The following FBXO39 variants were observed in gnomAD, a reference collection of about 807,000 sequenced individuals.
FBXO39 encodes F-box only protein 39.
Under a neutral mutation model 36.6 loss-of-function variants are expected in FBXO39, and 22 were observed. The ratio of observed to expected loss-of-function variants is 0.60; its 90% confidence interval spans 0.43 to 0.86. The LOEUF (loss-of-function observed/expected upper bound fraction) is 0.86. Ranked by LOEUF, FBXO39 falls within the 40% of genes least tolerant of loss-of-function variation. FBXO39 has a pLI of 0.00. For missense variants in FBXO39, 536 were observed against 543.9 expected, an observed-to-expected ratio of 0.99 and a Z score of 0.14; for synonymous variants, 206 against 205.8, an observed-to-expected ratio of 1.00 and a Z score of -0.01.
chr17:6,778,290 G>A (rs897022438), intron 1 of FBXO39, among the ~76,000 whole-genome samples: 4 of 152,222 alleles, frequency 2.6e-5, no homozygotes, highest in Non-Finnish European at 5.9e-5. Flanking sequence ...ATGGGACAGA[G>A]GGTTAAAATG....
chr17:6,782,449 G>A (rs1328163647), intron 2 of FBXO39, among the ~76,000 whole-genome samples: 1 of 151,958 alleles, frequency 6.6e-6, no homozygotes, highest in African/African-American at 2.4e-5. Context: ...GAATACAAAT[G>A]GACTAAACCC....
intron 2 of FBXO39, among the ~76,000 whole-genome samples, chr17:6,785,127 G>A (rs1428285460): frequency 6.7e-6 from 1 of 150,050 alleles, no homozygotes; most frequent in Non-Finnish European, 1.5e-5. Context: ...ATATATTCTG[G>A]TTATTTATTA....
rs758016899 is a variant in FBXO39, at chr17:6,780,811, A to G, written c.943A>G (p.Ser315Gly). The change falls in exon 2 of 4, where the codon AGC becomes GGC. Residue 315 changes from serine (S) to glycine (G), a missense_variant. By Grantham distance (56) the Ser-to-Gly change is moderately conservative. Coordinates refer to ENST00000321535, the MANE Select transcript of FBXO39 (RefSeq NM_153230.3). ...CCCGATCAGGAGCATCAGTCTGAGA[A>G]GCTGCTATTTCAGTGACCCAGACTG... Reference protein sequence around the residue: ...EIPIRSISLRSCYFSDPDCSM... With the variant: ...EIPIRSISLRGCYFSDPDCSM... 1.9e-6 allele frequency: 3 copies of G among 1,614,120 alleles called. No homozygotes were observed. Among genetic ancestry groups the G allele is most frequent in the Non-Finnish European group, 2.5e-6 (3 of 1,180,034 alleles).
chr17:6,781,584 G>A (rs947139194), intron 2 of FBXO39, among the ~76,000 whole-genome samples: 3 of 152,094 alleles, frequency 2.0e-5, no homozygotes, highest in African/African-American at 2.4e-5. Flanking sequence ...GGTGGGGTAC[G>A]GCAGACATCA....
At chr17:6,779,355 G>A (rs1346622934) in intron 1 of FBXO39, among the ~76,000 whole-genome samples, 1 of 152,116 alleles carries the variant, frequency 6.6e-6, no homozygotes, top group African/African-American at 2.4e-5. Context: ...CAGTTCTGTG[G>A]CTTTGCACGT....
In FBXO39 at chr17:6,787,546, T is replaced by TC. The variant is rs1555552583; in HGVS notation, c.*118_*119insC. Reference sequence around the variant, plus strand: ...TCCTCTCTCTCCCCTCCACTTTTTTTTTTTGTCAGCTCCATGACAACATGA... The same window carrying TC: ...TCCTCTCTCTCCCCTCCACTTTTTTTCTTTTGTCAGCTCCATGACAACATGA... On this transcript the variant is annotated 3_prime_UTR_variant, in exon 4 of 4. Transcript: ENST00000321535. The TC allele has an allele frequency of 1.0e-5, 13 of 1,259,628 alleles. No homozygotes were observed. The highest frequency in any genetic ancestry group is 7.1e-5 in the South Asian group (5 of 70,696). 78.0% of individuals were successfully genotyped at this position (1,259,628 alleles called of 1,614,324 possible). A position where few individuals can be genotyped will look rare whatever the true frequency, so the allele number is the denominator to read the frequency against.
At chr17:6,782,511 A>G (rs1976521735) in intron 2 of FBXO39, among the ~76,000 whole-genome samples, 1 of 152,212 alleles carries the variant, frequency 6.6e-6, no homozygotes, top group Non-Finnish European at 1.5e-5. Context: ...AGACTCAATT[A>G]TCTGCTGCCT....
In FBXO39 at chr17:6,780,660, C is replaced by G. The variant is rs375399858; in HGVS notation, c.792C>G (p.His264Gln). 12 of 1,614,010 alleles carry G rather than the reference C, an allele frequency of 7.4e-6. No homozygotes were observed. Among genetic ancestry groups the G allele is most frequent in the African/African-American group, 1.3e-5 (1 of 74,910 alleles). Residue 264 changes from histidine (H) to glutamine (Q), a missense_variant, in exon 2 of 4, where the codon CAC becomes CAG. Transcript: ENST00000321535. ...TCAAATGCCACGTTCATGACCCCCA[C>G]GGACAGGTCATCTGGGGTATGTCCT... Reference protein sequence around the residue: ...INIKCHVHDPHGQVIWGMSWA... With the variant: ...INIKCHVHDPQGQVIWGMSWA...
chr17:6,786,357 TA>T (rs1198323046), intron 2 of FBXO39, among the ~76,000 whole-genome samples: 2 of 152,052 alleles, frequency 1.3e-5, no homozygotes, highest in Admixed American at 1.3e-4. Context: ...GGAAGGGTAG[TA>T]GGGGGTGCAG....
intron 2 of FBXO39, among the ~76,000 whole-genome samples, chr17:6,783,369 A>G (rs1271275151): frequency 6.6e-6 from 1 of 152,092 alleles, no homozygotes; most frequent in Non-Finnish European, 1.5e-5. Context: ...AAAAACCAAG[A>G]GCAAACCAAT....
rs1976591402 is a variant in FBXO39, at chr17:6,787,532, C to T, written c.*104C>T. 1.4e-6 allele frequency: 2 copies of T among 1,405,716 alleles called. No individual in the cohort carries two copies. Among genetic ancestry groups the T allele is most frequent in the Non-Finnish European group, 1.9e-6 (2 of 1,041,892 alleles). 87.1% of individuals were successfully genotyped at this position (1,405,716 alleles called of 1,614,324 possible). A position where few individuals can be genotyped will look rare whatever the true frequency, so the allele number is the denominator to read the frequency against. ...GCCGGCCCTTTTGCTCCTCTCTCTC[C>T]CCTCCACTTTTTTTTTTTGTCAGCT... On this transcript the variant is annotated 3_prime_UTR_variant, in exon 4 of 4. Transcript: ENST00000321535.
intron 2 of FBXO39, 115 bp from the exon 3 acceptor site, chr17:6,786,665 C>A (rs910823789): frequency 2.5e-6 from 2 of 814,406 alleles, no homozygotes; most frequent in Non-Finnish European, 3.8e-6. Context: ...AGTTAAAAAC[C>A]CCCAAATCAT....
At chr17:6,777,303 C>T (rs926151701) in intron 1 of FBXO39, among the ~76,000 whole-genome samples, 17 of 152,030 alleles carry the variant, frequency 1.1e-4, no homozygotes, top group African/African-American at 3.4e-4. Context: ...TGTTCCTCTC[C>T]CTGTGTCCAT....
Position 6,787,607 on chromosome 17 carries a change from A to G in FBXO39, c.*179A>G. ...AAAGGCTGAGACTGCCCATGACCTGAAGGCTCCAGGTGGCTTTAAAGCGCT... is the reference window on the plus strand; with the variant it reads ...AAAGGCTGAGACTGCCCATGACCTGGAGGCTCCAGGTGGCTTTAAAGCGCT... On this transcript the variant is annotated 3_prime_UTR_variant, in exon 4 of 4. Coordinates refer to ENST00000321535, the MANE Select transcript of FBXO39 (RefSeq NM_153230.3). 1.7e-6 allele frequency: 1 copy of G among 601,710 alleles called. No individual in the cohort carries two copies. The highest frequency in any genetic ancestry group is 2.8e-6 in the Non-Finnish European group (1 of 356,630). The allele number at this position is 601,710 out of a possible 1,614,324, so 37.3% of individuals were successfully genotyped here.
At chr17:6,781,077 T>C (rs1976504066) in intron 2 of FBXO39, among the ~76,000 whole-genome samples, 186 bp downstream of exon 2, 1 of 152,238 alleles carries the variant, frequency 6.6e-6, no homozygotes, top group East Asian at 1.9e-4. Flanking sequence ...CAGAAGCTGC[T>C]ACTCACTTCC....
rs1976484041 is a variant in FBXO39, at chr17:6,779,938, C to G, written c.70C>G (p.Leu24Val). The part of the protein sequence containing the change: ...SCWAFLPDLC[L>V]CRVFWWLGDR... Reference sequence around the variant, plus strand: ...CTGGGCCTTTCTGCCCGATTTGTGTCTGTGCCGTGTTTTCTGGTGGCTAGG... The same window carrying G: ...CTGGGCCTTTCTGCCCGATTTGTGTGTGTGCCGTGTTTTCTGGTGGCTAGG... Residue 24 changes from leucine to valine, a missense_variant, in exon 2 of 4, where the codon CTG becomes GTG. Coordinates refer to ENST00000321535, the MANE Select transcript of FBXO39 (RefSeq NM_153230.3). 2 of 1,614,106 alleles carry G rather than the reference C, an allele frequency of 1.2e-6. No homozygotes were observed. The highest frequency in any genetic ancestry group is 1.7e-6 in the Non-Finnish European group (2 of 1,180,056).
At chr17:6,786,724 T>G (rs569417948) in intron 2 of FBXO39, 56 bp from the exon 3 acceptor site, 2 of 1,467,836 alleles carry the variant, frequency 1.4e-6, no homozygotes, top group Middle Eastern at 1.9e-4. Context: ...ACAGAACAAC[T>G]CAGCCAGGCT....
rs185728075 is a variant in FBXO39, at chr17:6,784,221, T to A, written c.1024-2559T>A. Among the ~76,000 whole-genome samples the A allele has an allele frequency of 2.0e-4, 31 of 152,262 alleles. No homozygotes were observed. In the East Asian group the frequency reaches 6.0e-3, roughly 29 times the overall value. ...TTTGATAAAATTCAACATTCCTTCA[T>A]GATTAAAACTCTCAAAAAACTGGGT... On this transcript the variant is annotated intron_variant, in intron 2 of 3. Transcript: ENST00000321535.
intron 2 of FBXO39, among the ~76,000 whole-genome samples, chr17:6,785,026 G>C (rs940395709): frequency 2.0e-5 from 3 of 149,678 alleles, no homozygotes; most frequent in Non-Finnish European, 2.9e-5. Context: ...CAAAACTGTA[G>C]AAACCACATT....
Sources: gnomAD v4.1 joint callset for allele counts (sites outside exome capture counted in the v4.1 genomes callset) on GRCh38, gnomAD v4.1.1 for gene constraint, MANE v1.5 for transcripts, NCBI Gene and HGNC (gene_info 2026-07-23, HGNC 2026-07-21) for gene names.